Variants in AVEN observed in about 807,000 individuals in gnomAD.
AVEN encodes cell death regulator Aven.
A neutral mutation model predicts 38.1 loss-of-function variants in AVEN; 41 were observed. That is an observed-to-expected ratio of 1.08 (90% confidence interval 0.84 to 1.40). AVEN has a LOEUF of 1.40. AVEN is among the 40% of genes most tolerant of loss of function. The pLI is 0.00. For synonymous variants in AVEN, 206 were observed against 171.8 expected, an observed-to-expected ratio of 1.20 and a Z score of -1.56; for missense variants, 605 against 438.8, an observed-to-expected ratio of 1.38 and a Z score of -3.38.
At chr15:33,900,958 T>C (rs904724997) in intron 2 of AVEN, among the ~76,000 whole-genome samples, 1 of 152,120 alleles carries the variant, frequency 6.6e-6, no homozygotes, top group African/African-American at 2.4e-5. Context: ...AGTAACTCCA[T>C]CTTAGAAAAA....
intron 1 of AVEN, among the ~76,000 whole-genome samples, chr15:34,017,497 T>TTTTTTTTTTTG (rs1555516619): frequency 4.5e-5 from 6 of 133,364 alleles, no homozygotes; most frequent in East Asian, 2.2e-4. Flanking sequence ...TTTTTTTTTT[T>TTTTTTTTTTTG]TTTGAGACAG....
chr15:33,924,328 C>T (rs1893529465), intron 2 of AVEN, among the ~76,000 whole-genome samples: 1 of 150,190 alleles, frequency 6.7e-6, no homozygotes, highest in African/African-American at 2.5e-5. Flanking sequence ...CGAGATCATG[C>T]CACTGCACTC....
At chr15:33,938,231 G>A (rs941172052) in intron 2 of AVEN, among the ~76,000 whole-genome samples, 6 of 151,974 alleles carry the variant, frequency 3.9e-5, no homozygotes, top group African/African-American at 7.2e-5. Context: ...CGAGGTGGGC[G>A]GATCACGAGG....
intron 1 of AVEN, among the ~76,000 whole-genome samples, chr15:34,030,029 G>A (rs1036728326): frequency 2.0e-5 from 3 of 152,078 alleles, no homozygotes; most frequent in Non-Finnish European, 2.9e-5. Flanking sequence ...CGAGGCAGGC[G>A]GATCACTTGA....
chr15:33,878,817 A>G (rs1891360088), intron 2 of AVEN, among the ~76,000 whole-genome samples: 1 of 152,220 alleles, frequency 6.6e-6, no homozygotes, highest in Non-Finnish European at 1.5e-5. Context: ...TATATGAAAT[A>G]TGATTGCTAA....
chr15:33,892,217 G>C (rs1223855674), intron 2 of AVEN, among the ~76,000 whole-genome samples: 1 of 152,314 alleles, frequency 6.6e-6, no homozygotes. Flanking sequence ...CTGTGCAGAA[G>C]CTCTTTGGTT....
intron 2 of AVEN, among the ~76,000 whole-genome samples, chr15:33,951,716 G>T (rs1894759279): frequency 6.6e-6 from 1 of 152,068 alleles, no homozygotes; most frequent in Admixed American, 6.6e-5. Flanking sequence ...GTAGAAGATG[G>T]AGGTAAAGGC....
chr15:33,874,414 C>T (rs1891136712), intron 3 of AVEN, among the ~76,000 whole-genome samples: 2 of 152,124 alleles, frequency 1.3e-5, no homozygotes, highest in African/African-American at 2.4e-5. Flanking sequence ...AGCATAACCT[C>T]GTTTTCCTGA....
At chr15:34,038,353 C>T (rs1001240698) in intron 1 of AVEN, among the ~76,000 whole-genome samples, 1 of 152,224 alleles carries the variant, frequency 6.6e-6, no homozygotes, top group South Asian at 2.1e-4. Flanking sequence ...AATCCTTTCC[C>T]TCCTAATAAC....
intron 2 of AVEN, among the ~76,000 whole-genome samples, chr15:33,913,339 C>T (rs1892989578): frequency 6.6e-6 from 1 of 152,168 alleles, no homozygotes; most frequent in South Asian, 2.1e-4. Flanking sequence ...TAGATATATA[C>T]ATACAGGTCC....
chr15:34,042,853 T>G (rs915077959), upstream of AVEN, among the ~76,000 whole-genome samples: 2 of 152,198 alleles, frequency 1.3e-5, no homozygotes, highest in African/African-American at 4.8e-5. Context: ...AATCTGTGTC[T>G]TAATAAACCT....
intron 1 of AVEN, among the ~76,000 whole-genome samples, chr15:34,037,283 A>G (rs2045328930): frequency 6.6e-6 from 1 of 152,040 alleles, no homozygotes; most frequent in Admixed American, 6.6e-5. Flanking sequence ...TTACTCTTAA[A>G]GCACGATCCC....
chr15:33,899,525 A>G (rs539224874), intron 2 of AVEN, among the ~76,000 whole-genome samples: 11 of 120,810 alleles, frequency 9.1e-5, no homozygotes, highest in Non-Finnish European at 1.6e-4. Flanking sequence ...GCTGGAGTGC[A>G]GTGGCGCCAT....
chr15:34,064,129 G>A, intron 4 of AVEN: 1 of 1,614,172 alleles, frequency 6.2e-7, no homozygotes, highest in Non-Finnish European at 8.5e-7. Context: ...TGTGACAAGT[G>A]TGTCCCAGTC....
intron 2 of AVEN, among the ~76,000 whole-genome samples, chr15:33,922,608 T>A (rs1893442322): frequency 6.6e-6 from 1 of 152,026 alleles, no homozygotes; most frequent in Non-Finnish European, 1.5e-5. Flanking sequence ...CTAATTTTTA[T>A]TTTTTGTAGA....
chr15:33,999,291 A>G (rs1047711906), intron 2 of AVEN, among the ~76,000 whole-genome samples: 1 of 152,192 alleles, frequency 6.6e-6, no homozygotes, highest in African/African-American at 2.4e-5. Context: ...CTCCCTTCAA[A>G]TTTCCAGTAA....
intron 2 of AVEN, among the ~76,000 whole-genome samples, chr15:33,899,755 C>T (rs986523876): frequency 6.6e-6 from 1 of 152,018 alleles, no homozygotes; most frequent in African/African-American, 2.4e-5. Context: ...CATGAGCCAC[C>T]GCACCCGGCC....
intron 2 of AVEN, among the ~76,000 whole-genome samples, chr15:33,881,832 G>C (rs780942491): frequency 2.0e-5 from 3 of 152,202 alleles, no homozygotes; most frequent in Non-Finnish European, 4.4e-5. Context: ...TGCCAGAAGA[G>C]TTCCTGGTCT....
At chr15:33,869,901 G>GGGGGA (rs1890862251) in intron 4 of AVEN, among the ~76,000 whole-genome samples, 1 of 150,210 alleles carries the variant, frequency 6.7e-6, no homozygotes, top group Non-Finnish European at 1.5e-5. Flanking sequence ...CCCTCTCTTA[G>GGGGGA]TTCATCAATT....
Sources: gnomAD v4.1 joint callset for allele counts (sites outside exome capture counted in the v4.1 genomes callset) on GRCh38, gnomAD v4.1.1 for gene constraint, MANE v1.5 for transcripts, NCBI Gene and HGNC (gene_info 2026-07-23, HGNC 2026-07-21) for gene names.